NEIL2: variants seen among roughly 807,000 people sequenced by gnomAD.
NEIL2 encodes nei like DNA glycosylase 2.
NEIL2 carries 23 observed loss-of-function variants against 22.2 expected under a neutral mutation model. That is an observed-to-expected ratio of 1.04 (90% confidence interval 0.75 to 1.47). The LOEUF (loss-of-function observed/expected upper bound fraction) is 1.47. NEIL2 is among the 40% of genes most tolerant of loss of function. The pLI is 0.00. For synonymous variants in NEIL2, 229 were observed against 164.8 expected (o/e 1.39, Z -2.99); for missense variants, 583 against 404.7 (o/e 1.44, Z -3.78).
chr8:11,771,377 G>A, intron 1 of NEIL2, 69 bp from the exon 2 acceptor site: 6 of 1,595,584 alleles, frequency 3.8e-6, no homozygotes, highest in African/African-American at 1.3e-5. Flanking sequence ...AGGATGCTTG[G>A]CACCTGTTAA....
chr8:11,770,466 G>C (rs1244769221), intron 1 of NEIL2, 131 bp downstream of exon 1: 2 of 152,194 alleles, frequency 1.3e-5, no homozygotes, highest in Non-Finnish European at 2.9e-5. Flanking sequence ...TAAGATGCGC[G>C]TTATTGAATG....
intron 3 of NEIL2, among the ~76,000 whole-genome samples, chr8:11,781,763 A>G (rs1804441362): frequency 6.6e-6 from 1 of 152,210 alleles, no homozygotes; most frequent in South Asian, 2.1e-4. Flanking sequence ...TTTGAAATAA[A>G]TACTATTAGC....
chr8:11,776,139 CAT>C (rs1378089850), intron 2 of NEIL2, among the ~76,000 whole-genome samples: 1 of 152,200 alleles, frequency 6.6e-6, no homozygotes, highest in Non-Finnish European at 1.5e-5. Context: ...CACAATTCCA[CAT>C]GTCTGGGGAG....
chr8:11,783,154 A>G (rs1331197079), intron 3 of NEIL2, 49 bp from the exon 4 acceptor site: 1 of 1,537,294 alleles, frequency 6.5e-7, no homozygotes, highest in East Asian at 2.2e-5. Context: ...GTGTGCTCTG[A>G]CTATACTGTG....
chr8:11,778,943 GAAAAAAA>G (rs57173797), intron 2 of NEIL2, among the ~76,000 whole-genome samples: 1 of 44,498 alleles, frequency 2.2e-5, no homozygotes, highest in Non-Finnish European at 3.8e-5. Flanking sequence ...GACTCCATCT[GAAAAAAA>G]AAAAAAAAAA....
rs898808460 is a variant in NEIL2, at chr8:11,775,230, G to C, written c.138+3645G>C. Among the ~76,000 whole-genome samples the C allele has an allele frequency of 2.0e-5, 3 of 152,244 alleles. No individual in the cohort carries two copies. The East Asian group carries it at 5.8e-4, about 29-fold the overall frequency. On this transcript the variant is annotated intron_variant, in intron 2 of 4. Coordinates refer to ENST00000284503, the MANE Select transcript of NEIL2 (RefSeq NM_145043.4). ...ATACATCCTCAGAAATCTAGGTGGA[G>C]GTTTCCAAACCTCCATTCTTAACTT...
At chr8:11,777,991 C>T (rs893805716) in intron 2 of NEIL2, among the ~76,000 whole-genome samples, 1 of 152,168 alleles carries the variant, frequency 6.6e-6, no homozygotes, top group Non-Finnish European at 1.5e-5. Context: ...CATTGCAGAG[C>T]CTTATTCATC....
At chr8:11,780,026 C>T in intron 3 of NEIL2, 76 bp downstream of exon 3, 1 of 1,292,474 alleles carries the variant, frequency 7.7e-7, no homozygotes, top group Non-Finnish European at 1.1e-6. Flanking sequence ...GGGACTTCAG[C>T]AGTGGGGACA....
At chr8:11,775,315 C>T (rs1164431375) in intron 2 of NEIL2, among the ~76,000 whole-genome samples, 1 of 124,688 alleles carries the variant, frequency 8.0e-6, no homozygotes, top group Non-Finnish European at 1.8e-5. Context: ...CTTGTACCCT[C>T]TGAAGCAGCA....
intron 3 of NEIL2, among the ~76,000 whole-genome samples, chr8:11,781,657 G>T (rs372575413): frequency 6.6e-6 from 1 of 152,084 alleles, no homozygotes; most frequent in African/African-American, 2.4e-5. Context: ...TTTTTACCTG[G>T]TTAGGTCTCT....
intron 1 of NEIL2, 45 bp downstream of exon 1, chr8:11,770,380 C>T (rs1242716410): frequency 1.3e-5 from 2 of 152,142 alleles, no homozygotes; most frequent in East Asian, 3.9e-4. Flanking sequence ...GCGGTTTTGT[C>T]AGGATTCCCT....
chr8:11,777,933 T>C (rs914363020), intron 2 of NEIL2, among the ~76,000 whole-genome samples: 2 of 152,228 alleles, frequency 1.3e-5, no homozygotes, highest in African/African-American at 2.4e-5. Flanking sequence ...CACTGTTCCA[T>C]TGGGGATTAA....
rs1362985862 is a variant in NEIL2, at chr8:11,769,729, G to C, written c.-609G>C. ...GCCGGGAAATCTCCGCCCCCAGCTG[G>C]AGCGGCTGTGCGGGCTGCGTAGCGG... On this transcript the variant is annotated 5_prime_UTR_variant, in exon 1 of 5. Coordinates refer to ENST00000284503, the MANE Select transcript of NEIL2 (RefSeq NM_145043.4). 3 of 152,396 alleles carry C rather than the reference G, an allele frequency of 2.0e-5. No individual in the cohort carries two copies. The highest frequency in any genetic ancestry group is 1.3e-4 in the Admixed American group (2 of 15,290). The allele number at this position is 152,396 out of a possible 1,614,324, so 9.4% of individuals were successfully genotyped here.
At position 11,786,632 on chromosome 8, in the gene NEIL2, T is replaced by C; in HGVS notation, c.*359T>C. On this transcript the variant is annotated 3_prime_UTR_variant, in exon 5 of 5. Coordinates refer to ENST00000284503, the MANE Select transcript of NEIL2 (RefSeq NM_145043.4). ...ATAGCTTTGCAGATGATGTGGGTTT[T>C]TTTTTTTTTTTTGGTTGTTTGTTTT... 1 of 292,714 alleles carries C rather than the reference T, an allele frequency of 3.4e-6. No homozygotes were observed. The highest frequency in any genetic ancestry group is 6.5e-6 in the Non-Finnish European group (1 of 153,264). 18.1% of individuals were successfully genotyped at this position (292,714 alleles called of 1,614,324 possible).
chr8:11,785,917 C>T (rs1258887463), intron 4 of NEIL2, 46 bp from the exon 5 acceptor site: 1 of 1,569,098 alleles, frequency 6.4e-7, no homozygotes, highest in Admixed American at 1.7e-5. Context: ...TTTCATCATG[C>T]CATGTGTCCT....
rs1214872050 is a variant in NEIL2 at position 11,779,950 on chromosome 8, G to C, written c.491G>C (p.Arg164Thr). 1.2e-5 allele frequency: 19 copies of C among 1,612,974 alleles called. No individual in the cohort carries two copies. The highest frequency in any genetic ancestry group is 2.7e-5 in the African/African-American group (2 of 74,852). The change falls in exon 3 of 5, where the codon AGG becomes ACG. Residue 164 changes from arginine to threonine, a missense_variant and splice_region_variant. Coordinates refer to ENST00000284503, the MANE Select transcript of NEIL2 (RefSeq NM_145043.4). ...KRGDWRDPSP[R>T]LVLHFGGGGF... ...GGGGACTGGAGGGACCCTTCCCCGA[G>C]GTAATGGTGTGGCCATCTGATTTTC... is the stretch of plus-strand genomic sequence containing the variant.
At chr8:11,772,169 C>T (rs1803510516) in intron 2 of NEIL2, among the ~76,000 whole-genome samples, 2 of 152,068 alleles carry the variant, frequency 1.3e-5, no homozygotes, top group Non-Finnish European at 2.9e-5. Flanking sequence ...TGCTACTGCA[C>T]TCCAGCCTGG....
chr8:11,776,791 A>G (rs958911787), intron 2 of NEIL2, among the ~76,000 whole-genome samples: 1 of 152,150 alleles, frequency 6.6e-6, no homozygotes, highest in Non-Finnish European at 1.5e-5. Context: ...CCTCTGCTGC[A>G]GCAGGGGTCT....
intron 2 of NEIL2, among the ~76,000 whole-genome samples, chr8:11,771,796 C>T (rs574423353): frequency 2.0e-5 from 3 of 152,294 alleles, no homozygotes; most frequent in South Asian, 4.1e-4. Flanking sequence ...TGTGGATGAG[C>T]TGGAGACCCC....
Sources: gnomAD v4.1 joint callset for allele counts (sites outside exome capture counted in the v4.1 genomes callset) on GRCh38, gnomAD v4.1.1 for gene constraint, MANE v1.5 for transcripts, NCBI Gene and HGNC (gene_info 2026-07-23, HGNC 2026-07-21) for gene names.